BPNT2: variants seen among roughly 807,000 people sequenced by gnomAD.
BPNT2 encodes 3'(2'), 5'-bisphosphate nucleotidase 2, also known as Golgi-resident adenosine 3',5'-bisphosphate 3'-phosphatase.
BPNT2 carries 11 observed loss-of-function variants against 29.3 expected under a neutral mutation model. The observed-to-expected ratio is 0.38, with a 90% CI of 0.24 to 0.62. BPNT2 has a LOEUF of 0.62. Among genes scored for constraint, BPNT2 ranks in the 20% least tolerant of loss-of-function variants. BPNT2 has a pLI of 0.62. For missense variants in BPNT2, 459 were observed against 473.4 expected (o/e 0.97, Z 0.28); for synonymous variants, 195 against 187.7 (o/e 1.04, Z -0.32).
intron 4 of BPNT2, among the ~76,000 whole-genome samples, chr8:56,965,990 A>C (rs1805940752): frequency 6.6e-6 from 1 of 152,220 alleles, no homozygotes; most frequent in South Asian, 2.1e-4. Flanking sequence ...CACTGTTGTG[A>C]GACTGCTTCT....
chr8:56,991,822 C>T (rs901782562), intron 1 of BPNT2, among the ~76,000 whole-genome samples: 6 of 151,962 alleles, frequency 3.9e-5, no homozygotes, highest in African/African-American at 1.2e-4. Context: ...GAAGGAAACA[C>T]GTATGTTTTG....
At chr8:56,966,015 G>A (rs1015392272) in intron 4 of BPNT2, among the ~76,000 whole-genome samples, 176 bp downstream of exon 4, 9 of 152,136 alleles carry the variant, frequency 5.9e-5, no homozygotes, top group African/African-American at 2.2e-4. Flanking sequence ...AATAAGAAGG[G>A]CAGAGTGACT....
Position 56,993,450 on chromosome 8 carries a change from C to T in BPNT2, c.136G>A (p.Gly46Ser), listed in dbSNP as rs1160676872. ...GCCGCGGGCCCCGCCGCGCCGCCGC[C>T]AGGCTCGCCGCCCAGGCCGAAGAGG... ...FSLFGLGGEP[G>S]GGAAGPAAAA... is the part of the protein sequence containing the mutation. The change falls in exon 1 of 5, where the codon GGC (glycine) becomes AGC (serine). Residue 46 changes from glycine (G) to serine (S), a missense_variant. Gly to Ser is a moderately conservative substitution (Grantham distance 56). Coordinates refer to ENST00000262644, the MANE Select transcript of BPNT2 (RefSeq NM_017813.5). The T allele has an allele frequency of 1.4e-6, 2 of 1,474,818 alleles. No individual in the cohort carries two copies. The highest frequency in any genetic ancestry group is 9.0e-7 in the Non-Finnish European group (1 of 1,117,020). 91.4% of individuals were successfully genotyped at this position (1,474,818 alleles called of 1,614,324 possible).
intron 1 of BPNT2, among the ~76,000 whole-genome samples, chr8:56,991,050 T>C (rs1384859600): frequency 6.6e-6 from 1 of 152,192 alleles, no homozygotes; most frequent in Non-Finnish European, 1.5e-5. Flanking sequence ...TTTAAGACTG[T>C]ACTTCTGGGC....
chr8:56,983,367 A>G (rs1286704726), intron 1 of BPNT2, among the ~76,000 whole-genome samples: 1 of 152,220 alleles, frequency 6.6e-6, no homozygotes, highest in Non-Finnish European at 1.5e-5. Context: ...AGCCCAATAA[A>G]TAACAAATGA....
chr8:56,969,696 G>A (rs1342118132), intron 3 of BPNT2, among the ~76,000 whole-genome samples: 2 of 151,920 alleles, frequency 1.3e-5, no homozygotes, highest in Non-Finnish European at 2.9e-5. Context: ...CTAAAGAAAA[G>A]GACTACATGA....
At chr8:56,980,544 T>C (rs1320747705) in intron 1 of BPNT2, among the ~76,000 whole-genome samples, 7 of 151,146 alleles carry the variant, frequency 4.6e-5, no homozygotes. Context: ...AGTGTGAAAA[T>C]AGACAATATT....
At position 56,993,574 on chromosome 8, in the gene BPNT2, C is replaced by G; in HGVS notation, c.12G>C (p.Met4Ile). MAP[M>I]GIRLSPLGVA... ...CCCCCAGTGGGGAAAGGCGGATGCCCATGGGGGCCATGGCGTGGGAAGCCG... is the reference window on the plus strand; with the variant it reads ...CCCCCAGTGGGGAAAGGCGGATGCCGATGGGGGCCATGGCGTGGGAAGCCG... The change falls in exon 1 of 5, where the codon ATG becomes ATC. Residue 4 changes from methionine to isoleucine, a missense_variant. By Grantham distance (10) the Met-to-Ile change is conservative. Transcript: ENST00000262644. The G allele has an allele frequency of 1.4e-6, 2 of 1,450,424 alleles. No homozygotes were observed. The highest frequency in any genetic ancestry group is 2.5e-5 in the Admixed American group (1 of 40,770). 89.8% of individuals were successfully genotyped at this position (1,450,424 alleles called of 1,614,324 possible).
At chr8:56,972,913 G>A (rs1806062835) in intron 3 of BPNT2, among the ~76,000 whole-genome samples, 1 of 151,914 alleles carries the variant, frequency 6.6e-6, no homozygotes, top group Non-Finnish European at 1.5e-5. Flanking sequence ...AGAGAAATGA[G>A]CACTAGGATT....
chr8:56,967,407 A>G (rs1805969519), intron 3 of BPNT2, among the ~76,000 whole-genome samples: 1 of 152,120 alleles, frequency 6.6e-6, no homozygotes, highest in South Asian at 2.1e-4. Context: ...CTACCAACAC[A>G]AACGTATGAG....
chr8:56,993,502 G>A lies in BPNT2; in HGVS notation c.84C>T (p.Tyr28=), dbSNP rs1329280250. The A allele has an allele frequency of 5.9e-5, 88 of 1,500,406 alleles. No individual in the cohort carries two copies. In the East Asian group the frequency reaches 2.4e-3, roughly 41 times the overall value. The allele number at this position is 1,500,406 out of a possible 1,614,324, so 92.9% of individuals were successfully genotyped here. ...LLGLGVLYHL[Y]SGFLAGRFSL... is the part of the protein sequence containing the mutation. ...TGAAGCGGCCGGCCAAGAAGCCCGAGTAGAGGTGGTAGAGCACGCCGAGCC... is the reference window on the plus strand; with the variant it reads ...TGAAGCGGCCGGCCAAGAAGCCCGAATAGAGGTGGTAGAGCACGCCGAGCC... Residue 28 remains tyrosine, a synonymous_variant, in exon 1 of 5, where the codon TAC becomes TAT. Coordinates refer to ENST00000262644, the MANE Select transcript of BPNT2 (RefSeq NM_017813.5).
In BPNT2 at chr8:56,963,606, A is replaced by G; in HGVS notation, c.*187T>C. The G allele has an allele frequency of 1.6e-6, 1 of 614,984 alleles. No homozygotes were observed. Among genetic ancestry groups the G allele is most frequent in the Non-Finnish European group, 2.8e-6 (1 of 351,430 alleles). 38.1% of individuals were successfully genotyped at this position (614,984 alleles called of 1,614,324 possible). On this transcript the variant is annotated 3_prime_UTR_variant, in exon 5 of 5. Transcript: ENST00000262644. ...AAAATAAAGACAATACTTGAGACAC[A>G]AAGCAACCCATTTTCCCTGATTTTG...
chr8:56,989,899 G>T (rs999236350), intron 1 of BPNT2, among the ~76,000 whole-genome samples: 2 of 152,132 alleles, frequency 1.3e-5, no homozygotes, highest in Non-Finnish European at 2.9e-5. Flanking sequence ...TCTCTCTTGG[G>T]CCTGTTCCTT....
At chr8:56,981,579 T>C (rs1038718138) in intron 1 of BPNT2, among the ~76,000 whole-genome samples, 1 of 151,654 alleles carries the variant, frequency 6.6e-6, no homozygotes, top group African/African-American at 2.4e-5. Flanking sequence ...AAACAAAAAA[T>C]AAATAATAAT....
intron 3 of BPNT2, among the ~76,000 whole-genome samples, chr8:56,974,637 T>A (rs1282381746): frequency 1.3e-5 from 2 of 152,136 alleles, no homozygotes; most frequent in Non-Finnish European, 2.9e-5. Context: ...TCTAAACGTA[T>A]TGATTATTTT....
intron 3 of BPNT2, among the ~76,000 whole-genome samples, chr8:56,967,627 A>G (rs1360366865): frequency 1.3e-5 from 2 of 152,112 alleles, no homozygotes; most frequent in African/African-American, 4.8e-5. Context: ...GAAACTTGGC[A>G]ACAAAGCATC....
intron 1 of BPNT2, among the ~76,000 whole-genome samples, chr8:56,987,700 A>C (rs1427408401): frequency 6.6e-6 from 1 of 151,154 alleles, no homozygotes; most frequent in Non-Finnish European, 1.5e-5. Context: ...GAGAACCCTG[A>C]CCAATACAGT....
In BPNT2 at chr8:56,963,964, A is replaced by G; in HGVS notation, c.909T>C (p.Ala303=). ...CTAGGGCTTTTAAGATGGCATTACC[A>G]GCACATATATCCCACTTTTTGATGT... ...VTYIKKWDIC[A]GNAILKALGG... The change falls in exon 5 of 5, where the codon GCT becomes GCC. Residue 303 remains alanine, a synonymous_variant. Coordinates refer to ENST00000262644, the MANE Select transcript of BPNT2 (RefSeq NM_017813.5). The G allele has an allele frequency of 6.2e-7, 1 of 1,613,948 alleles. No homozygotes were observed. The highest frequency in any genetic ancestry group is 1.1e-5 in the South Asian group (1 of 91,058).
chr8:56,963,714 C>G lies in BPNT2; in HGVS notation c.*79G>C. On this transcript the variant is annotated 3_prime_UTR_variant, in exon 5 of 5. Transcript: ENST00000262644. ...GGATGGCCTTAACCATGCATAGTCT[C>G]CACCAATCCTTTGAAGCTTCCAGCA... The G allele has an allele frequency of 1.3e-6, 2 of 1,527,978 alleles. No individual in the cohort carries two copies. The highest frequency in any genetic ancestry group is 4.5e-5 in the East Asian group (2 of 44,478). 94.7% of individuals were successfully genotyped at this position (1,527,978 alleles called of 1,614,324 possible). A position where few individuals can be genotyped will look rare whatever the true frequency, so the allele number is the denominator to read the frequency against.
Sources: allele counts gnomAD v4.1 joint callset (sites outside exome capture counted in the v4.1 genomes callset), GRCh38; gene constraint gnomAD v4.1.1; transcripts MANE v1.5; gene names NCBI Gene and HGNC (gene_info 2026-07-23, HGNC 2026-07-21).